Variants in PTPN4 observed in about 807,000 individuals in gnomAD.
The protein encoded by PTPN4 is protein tyrosine phosphatase non-receptor type 4.
Under a neutral mutation model 135.5 loss-of-function variants are expected in PTPN4, and 49 were observed. The ratio of observed to expected loss-of-function variants is 0.36; its 90% CI spans 0.29 to 0.46. The LOEUF (loss-of-function observed/expected upper bound fraction) is 0.46, where lower values mean the gene tolerates loss of function less well. Ranked by LOEUF, PTPN4 falls within the 20% of genes least tolerant of loss-of-function variation. The probability of loss-of-function intolerance (pLI) is 1.00; values close to 1 mark genes in which losing one functional copy is unlikely to be tolerated. For synonymous variants in PTPN4, 333 were observed against 369.9 expected (o/e 0.90, Z 1.14); for missense variants, 860 against 1,101.0 (o/e 0.78, Z 3.10).
chr2:119,800,992 T>G (rs1004765437), intron 1 of PTPN4, among the ~76,000 whole-genome samples: 1 of 152,228 alleles, frequency 6.6e-6, no homozygotes, highest in Non-Finnish European at 1.5e-5. Context: ...ATTCCCAGTT[T>G]ATTTTTCTTT....
rs1679710606 is a variant in PTPN4 at position 119,982,510 on chromosome 2, T to C, written c.*5440T>C. The stretch of plus-strand genomic sequence containing the variant: ...ATAAACAAGAGCAATCATTGAAGCA[T>C]TTTCAGATATAATGTACATTCTTTT... On this transcript the variant is annotated 3_prime_UTR_variant, in exon 27 of 27. Coordinates refer to ENST00000263708, the MANE Select transcript of PTPN4 (RefSeq NM_002830.4). The C allele has an allele frequency of 6.6e-6, 1 of 152,178 alleles. No homozygotes were observed. Among genetic ancestry groups the C allele is most frequent in the Non-Finnish European group, 1.5e-5 (1 of 68,038 alleles). 9.4% of individuals were successfully genotyped at this position (152,178 alleles called of 1,614,324 possible).
rs114261794 is a variant in PTPN4, at chr2:119,854,607, A to G, written c.139-7929A>G. 3.9e-3 allele frequency among the ~76,000 whole-genome samples: 588 copies of G among 152,282 alleles called. 2 individuals are homozygous for G. The highest frequency in any genetic ancestry group is 0.013 in the African/African-American group (543 of 41,576). ...CCTTGGAAGAATGGCCTGCCCATGC[A>G]TGGTTCGTTTTGCAGCACCATTTGG... On this transcript the variant is annotated intron_variant, in intron 2 of 26. Coordinates refer to ENST00000263708, the MANE Select transcript of PTPN4 (RefSeq NM_002830.4).
At chr2:119,834,016 C>A (rs1006905847) in intron 2 of PTPN4, among the ~76,000 whole-genome samples, 5 of 152,066 alleles carry the variant, frequency 3.3e-5, no homozygotes, top group Non-Finnish European at 7.4e-5. Flanking sequence ...TCTCTTTTTT[C>A]CAGTGCCCAC....
intron 9 of PTPN4, among the ~76,000 whole-genome samples, chr2:119,891,194 T>C (rs1003391457): frequency 6.6e-5 from 10 of 152,236 alleles, no homozygotes; most frequent in Admixed American, 2.6e-4. Context: ...TTTGTTTGAC[T>C]GGATTATTCT....
chr2:119,879,963 TTAAC>T (rs1678046387), intron 5 of PTPN4: 1 of 145,954 alleles, frequency 6.9e-6, no homozygotes, highest in East Asian at 2.0e-4. Flanking sequence ...AAATATCCCT[TTAAC>T]TAATGAATTA....
In PTPN4 at chr2:119,977,277, A is replaced by G; in HGVS notation, c.*207A>G. On this transcript the variant is annotated 3_prime_UTR_variant, in exon 27 of 27. Coordinates refer to ENST00000263708, the MANE Select transcript of PTPN4 (RefSeq NM_002830.4). ...AACTCATGTATTTGAAGACTGTTTC[A>G]TGCTTTGCTCCGAACAAATAGTAAA... 1.2e-6 allele frequency: 1 copy of G among 824,492 alleles called. No homozygotes were observed. 51.1% of individuals were successfully genotyped at this position (824,492 alleles called of 1,614,324 possible).
intron 15 of PTPN4, among the ~76,000 whole-genome samples, chr2:119,938,656 T>C (rs1397605237): frequency 6.6e-6 from 1 of 152,070 alleles, no homozygotes; most frequent in Non-Finnish European, 1.5e-5. Context: ...GAATTTAAAA[T>C]ATAGCAGTAT....
At chr2:119,960,655 A>C (rs1347281025) in intron 22 of PTPN4, 152 bp from the exon 23 acceptor site, 1 of 607,566 alleles carries the variant, frequency 1.6e-6, no homozygotes, top group South Asian at 3.3e-5. Flanking sequence ...CTACAGATAA[A>C]ATAAGAAATT....
At chr2:119,948,666 A>G (rs1679169549) in intron 18 of PTPN4, among the ~76,000 whole-genome samples, 1 of 152,164 alleles carries the variant, frequency 6.6e-6, no homozygotes, top group Admixed American at 6.5e-5. Flanking sequence ...TAAAATGAAA[A>G]ATAATCAAAA....
intron 2 of PTPN4, among the ~76,000 whole-genome samples, chr2:119,815,388 A>G (rs1237678160): frequency 2.6e-5 from 4 of 152,130 alleles, no homozygotes; most frequent in Non-Finnish European, 5.9e-5. Context: ...TTGTAATCCA[A>G]TTGATCCATT....
chr2:119,770,212 T>G (rs529591504), intron 1 of PTPN4, among the ~76,000 whole-genome samples: 2 of 152,354 alleles, frequency 1.3e-5, no homozygotes, highest in South Asian at 4.1e-4. Context: ...CAGAGGAACT[T>G]GAAATCTAGT....
chr2:119,905,358 CT>C (rs944265997), intron 10 of PTPN4, among the ~76,000 whole-genome samples: 9 of 152,222 alleles, frequency 5.9e-5, no homozygotes, highest in African/African-American at 1.9e-4. Context: ...ACAAAATATA[CT>C]TTGTAAAAAA....
intron 8 of PTPN4, among the ~76,000 whole-genome samples, chr2:119,883,158 G>A (rs1678105153): frequency 6.6e-6 from 1 of 152,108 alleles, no homozygotes; most frequent in African/African-American, 2.4e-5. Flanking sequence ...TTCTGCACCT[G>A]ATCCCATGTA....
In PTPN4 at chr2:119,862,563, G is replaced by C. The variant is rs1268115511; in HGVS notation, c.166G>C (p.Asp56His). The C allele has an allele frequency of 1.1e-5, 17 of 1,611,624 alleles. No individual in the cohort carries two copies. The highest frequency in any genetic ancestry group is 1.4e-5 in the Non-Finnish European group (17 of 1,178,992). The change falls in exon 3 of 27, where the codon GAT becomes CAT. Residue 56 changes from aspartate to histidine, a missense_variant. Asp to His is a moderately conservative substitution (Grantham distance 81, BLOSUM62 -1). This residue lies in a region of PTPN4 where 684 missense variants were observed against 807.0 expected (regional missense o/e 0.85). Transcript: ENST00000263708. The stretch of plus-strand genomic sequence containing the variant: ...ACATGATCAGGGGCAAGTCTTGTTG[G>C]ATGTCGTCTTCAAGCATCTAGATTT... The part of the protein sequence containing the change: ...NKHDQGQVLL[D>H]VVFKHLDLTE...
At chr2:119,790,016 C>A (rs1448487580) in intron 1 of PTPN4, among the ~76,000 whole-genome samples, 2 of 152,172 alleles carry the variant, frequency 1.3e-5, no homozygotes, top group Non-Finnish European at 2.9e-5. Context: ...GTGTGAGCCA[C>A]TGCACCTGGC....
intron 26 of PTPN4, among the ~76,000 whole-genome samples, chr2:119,968,777 G>A (rs994801966): frequency 6.6e-6 from 1 of 152,080 alleles, no homozygotes; most frequent in Non-Finnish European, 1.5e-5. Flanking sequence ...GGGTGACAGA[G>A]TGCGACTCAG....
intron 9 of PTPN4, among the ~76,000 whole-genome samples, chr2:119,886,627 A>G (rs1022503721): frequency 6.6e-6 from 1 of 152,218 alleles, no homozygotes; most frequent in African/African-American, 2.4e-5. Context: ...GGAAATGAAT[A>G]GTTGAGCCTA....
chr2:119,949,365 A>G (rs1263636862), intron 18 of PTPN4, among the ~76,000 whole-genome samples: 1 of 152,172 alleles, frequency 6.6e-6, no homozygotes, highest in Admixed American at 6.5e-5. Flanking sequence ...GAAAAGGAAA[A>G]GGTTTCTGTT....
chr2:119,760,489 C>T, intron 1 of PTPN4, 105 bp downstream of exon 1: 1 of 388,124 alleles, frequency 2.6e-6, no homozygotes. Context: ...TGGGGCAAGC[C>T]GGAGGTACGA....
Sources: gnomAD v4.1 joint callset for allele counts (sites outside exome capture counted in the v4.1 genomes callset) on GRCh38, gnomAD v4.1.1 for gene constraint, gnomAD v4.1.1 regional missense constraint, MANE v1.5 for transcripts, NCBI Gene and HGNC (gene_info 2026-07-23, HGNC 2026-07-21) for gene names.